SLC22A24: variants seen among roughly 807,000 people sequenced by gnomAD.
The protein encoded by SLC22A24 is solute carrier family 22 member 24, also known as steroid transmembrane transporter SLC22A24.
A neutral mutation model predicts 49.8 loss-of-function variants in SLC22A24; 53 were observed. The ratio of observed to expected loss-of-function variants is 1.06; its 90% confidence interval spans 0.85 to 1.34. The LOEUF (loss-of-function observed/expected upper bound fraction) is 1.34, where lower values mean the gene tolerates loss of function less well. Among genes scored for constraint, SLC22A24 ranks in the 40% most tolerant of loss-of-function variants. The probability of loss-of-function intolerance (pLI) is 0.00; values close to 1 mark genes in which losing one functional copy is unlikely to be tolerated. For synonymous variants in SLC22A24, 302 were observed against 256.4 expected, an observed-to-expected ratio of 1.18 and a Z score of -1.70; for missense variants, 786 against 675.9, an observed-to-expected ratio of 1.16 and a Z score of -1.81.
intron 6 of SLC22A24, among the ~76,000 whole-genome samples, chr11:63,095,193 T>C (rs2087046365): frequency 6.6e-6 from 1 of 152,166 alleles, no homozygotes. Context: ...GCTTTCTACA[T>C]ATGGCTAGCC....
At chr11:63,133,017 A>G (rs1361786447) in intron 2 of SLC22A24, among the ~76,000 whole-genome samples, 1 of 152,144 alleles carries the variant, frequency 6.6e-6, no homozygotes, top group African/African-American at 2.4e-5. Flanking sequence ...AGCCTCAGCA[A>G]TGGTGGATGC....
At position 63,100,412 on chromosome 11, in the gene SLC22A24, C is replaced by T. The variant is rs542406568; in HGVS notation, c.954+3763G>A. The stretch of plus-strand genomic sequence containing the variant: ...ACTATAAAGCACTGATGCAAGAAAT[C>T]GAAGAGAACACACAAAAAATGAAAA... On this transcript the variant is annotated intron_variant, in intron 5 of 9. Transcript: ENST00000612278. Among the ~76,000 whole-genome samples, 251 of 151,968 alleles carry T rather than the reference C, an allele frequency of 1.7e-3. 3 individuals carry two copies. Among genetic ancestry groups the T allele is most frequent in the African/African-American group, 4.6e-3 (192 of 41,474 alleles).
intron 6 of SLC22A24, among the ~76,000 whole-genome samples, chr11:63,095,433 A>T (rs2087047969): frequency 6.6e-6 from 1 of 152,316 alleles, no homozygotes; most frequent in Admixed American, 6.5e-5. Flanking sequence ...CAAAATGAAT[A>T]AATTTCACAT....
chr11:63,126,569 G>C (rs948859158), intron 2 of SLC22A24, among the ~76,000 whole-genome samples: 6 of 152,246 alleles, frequency 3.9e-5, no homozygotes, highest in African/African-American at 1.4e-4. Context: ...TAGCCTTGTA[G>C]CATAATTTGA....
At chr11:63,094,002 T>G (rs1052741576) in intron 6 of SLC22A24, among the ~76,000 whole-genome samples, 10 of 151,826 alleles carry the variant, frequency 6.6e-5, no homozygotes, top group Non-Finnish European at 1.3e-4. Flanking sequence ...AAATTTGTTA[T>G]TATTATACTT....
rs1362759904 is a variant in SLC22A24 at position 63,113,071 on chromosome 11, T to C, written c.830+5841A>G. ...ATATATATACATATATATATATACA[T>C]ATATATACACATATATATACATATA... On this transcript the variant is annotated intron_variant, in intron 4 of 9. Transcript: ENST00000612278. Among the ~76,000 whole-genome samples the C allele has an allele frequency of 2.3e-3, 5 of 2,128 alleles. 1 individual carries two copies. The highest frequency in any genetic ancestry group is 0.022 in the Non-Finnish European group (3 of 138). The allele number at this position is 2,128 out of a possible 152,430, so 1.4% of individuals were successfully genotyped here.
intron 4 of SLC22A24, among the ~76,000 whole-genome samples, chr11:63,106,947 G>A (rs897801018): frequency 6.6e-6 from 1 of 152,148 alleles, no homozygotes; most frequent in African/African-American, 2.4e-5. Flanking sequence ...GATCCCGTCT[G>A]TGAATTATGG....
At chr11:63,110,108 C>A (rs1590738302) in intron 4 of SLC22A24, among the ~76,000 whole-genome samples, 2 of 151,698 alleles carry the variant, frequency 1.3e-5, no homozygotes, top group Non-Finnish European at 1.5e-5. Flanking sequence ...ATAGGGAATC[C>A]TTTCCCCATT....
At chr11:63,118,847 G>C (rs948060) in intron 4 of SLC22A24, 65 bp downstream of exon 4, 1,308,755 of 1,527,712 alleles carry the variant, frequency 0.86, 563,752 homozygotes, top group East Asian at 0.91. Flanking sequence ...CCAGGTGTCA[G>C]AATTTTCCTT....
chr11:63,122,712 G>A (rs745769003), intron 2 of SLC22A24, among the ~76,000 whole-genome samples: 1 of 152,132 alleles, frequency 6.6e-6, no homozygotes, highest in African/African-American at 2.4e-5. Context: ...AGTAGAGACG[G>A]GGTTTCAGCA....
intron 4 of SLC22A24, among the ~76,000 whole-genome samples, chr11:63,110,252 C>A (rs2087153135): frequency 4.6e-5 from 7 of 151,966 alleles, no homozygotes; most frequent in Admixed American, 4.6e-4. Flanking sequence ...TTACTGTAGT[C>A]TTGTAGTATA....
chr11:63,141,237 A>G (rs1004248458), intron 1 of SLC22A24, among the ~76,000 whole-genome samples: 16 of 152,354 alleles, frequency 1.1e-4, no homozygotes, highest in African/African-American at 3.8e-4. Context: ...TGCAAACATG[A>G]AATTTGGTTT....
At chr11:63,131,198 AG>A (rs1410775399) in intron 2 of SLC22A24, among the ~76,000 whole-genome samples, 43 of 152,132 alleles carry the variant, frequency 2.8e-4, no homozygotes, top group African/African-American at 9.6e-4. Context: ...TCCTGAGTAT[AG>A]CACACCGATA....
rs375219569 is a variant in SLC22A24 at position 63,103,752 on chromosome 11, G to A, written c.954+423C>T. The stretch of plus-strand genomic sequence containing the variant: ...TTATTTGACTTATTTGGTGCTCAAT[G>A]GGATATTTATTGAATTATTGAATAA... On this transcript the variant is annotated intron_variant, in intron 5 of 9. Transcript: ENST00000612278. 4.1e-4 allele frequency among the ~76,000 whole-genome samples: 63 copies of A among 152,178 alleles called. 1 individual carries two copies. The East Asian group carries it at 8.3e-3, about 20-fold the overall frequency.
At chr11:63,123,086 C>G (rs1054842953) in intron 2 of SLC22A24, among the ~76,000 whole-genome samples, 1 of 151,820 alleles carries the variant, frequency 6.6e-6, no homozygotes, top group Non-Finnish European at 1.5e-5. Flanking sequence ...GGAGAAGAGG[C>G]AAAGAGAACA....
intron 1 of SLC22A24, among the ~76,000 whole-genome samples, chr11:63,141,994 T>C (rs1373619465): frequency 6.6e-6 from 1 of 152,170 alleles, no homozygotes; most frequent in African/African-American, 2.4e-5. Flanking sequence ...CTAAATTATT[T>C]GTGAGTTAGA....
intron 2 of SLC22A24, among the ~76,000 whole-genome samples, chr11:63,120,609 G>A (rs531892496): frequency 2.6e-5 from 4 of 152,040 alleles, no homozygotes; most frequent in Non-Finnish European, 4.4e-5. Flanking sequence ...AGCAGTATGT[G>A]TGTCACAGAC....
intron 2 of SLC22A24, among the ~76,000 whole-genome samples, chr11:63,125,881 T>G (rs997452340): frequency 6.6e-6 from 1 of 152,192 alleles, no homozygotes; most frequent in African/African-American, 2.4e-5. Flanking sequence ...CTCATTGTGG[T>G]TTTGATTTGC....
intron 6 of SLC22A24, among the ~76,000 whole-genome samples, chr11:63,093,781 A>G (rs2087035250): frequency 6.6e-6 from 1 of 152,102 alleles, no homozygotes; most frequent in South Asian, 2.1e-4. Context: ...AATCTGTACC[A>G]CAAACTCCTG....
Sources: gnomAD v4.1 joint callset for allele counts (sites outside exome capture counted in the v4.1 genomes callset) on GRCh38, gnomAD v4.1.1 for gene constraint, MANE v1.5 for transcripts, NCBI Gene and HGNC (gene_info 2026-07-23, HGNC 2026-07-21) for gene names.